The following MMP26 variants were observed in gnomAD, a reference collection of about 807,000 sequenced individuals.
MMP26 encodes the protein matrix metallopeptidase 26, also known as matrix metalloproteinase-26.
In MMP26, 33 loss-of-function variants were observed where a neutral mutation model predicts 31.0. The observed-to-expected ratio is 1.06, with a 90% CI of 0.81 to 1.42. The LOEUF (loss-of-function observed/expected upper bound fraction) is 1.42, where lower values mean the gene tolerates loss of function less well. MMP26 is among the 40% of genes most tolerant of loss of function. The pLI is 0.00. For missense variants in MMP26, 347 were observed against 316.1 expected (o/e 1.10, Z -0.74); for synonymous variants, 122 against 114.9 (o/e 1.06, Z -0.40).
At chr11:4,710,746 G>C in intron 1 of MMP26, 1 of 231,720 alleles carries the variant, frequency 4.3e-6, no homozygotes, top group African/African-American at 2.2e-5. Flanking sequence ...CACAGTATAG[G>C]ACCACAGTTA....
intron 1 of MMP26, among the ~76,000 whole-genome samples, chr11:4,737,963 C>G (rs756325125): frequency 3.9e-5 from 6 of 152,318 alleles, no homozygotes; most frequent in South Asian, 4.1e-4. Flanking sequence ...ACTACAGGCT[C>G]TAGTCACCAT....
chr11:4,960,520 G>T (rs965734770), intron 2 of MMP26, among the ~76,000 whole-genome samples: 1 of 129,534 alleles, frequency 7.7e-6, no homozygotes, highest in African/African-American at 3.0e-5. Flanking sequence ...TTGCTGCTAC[G>T]TGGGTCTATT....
At chr11:4,744,292 T>A (rs543662495) in intron 1 of MMP26, among the ~76,000 whole-genome samples, 1 of 152,326 alleles carries the variant, frequency 6.6e-6, no homozygotes, top group Admixed American at 6.5e-5. Context: ...TTTTAAAAAA[T>A]TTAAGCTGCC....
At chr11:4,959,549 C>T (rs937339304) in intron 2 of MMP26, among the ~76,000 whole-genome samples, 1 of 152,136 alleles carries the variant, frequency 6.6e-6, no homozygotes, top group African/African-American at 2.4e-5. Flanking sequence ...TACTTAAGTC[C>T]TCTGTTGCAC....
intron 2 of MMP26, among the ~76,000 whole-genome samples, chr11:4,806,472 T>C (rs532984345): frequency 1.3e-5 from 2 of 152,352 alleles, no homozygotes; most frequent in African/African-American, 2.4e-5. Context: ...TTTACCATTA[T>C]GTAATGGGCT....
intron 2 of MMP26, chr11:4,882,980 T>C (rs573200258): frequency 3.3e-6 from 3 of 915,040 alleles, no homozygotes; most frequent in South Asian, 3.5e-5. Context: ...TCAATTCCAA[T>C]TGAATTTTAG....
intron 2 of MMP26, among the ~76,000 whole-genome samples, chr11:4,960,358 T>C (rs1332363581): frequency 6.6e-6 from 1 of 151,872 alleles, no homozygotes; most frequent in Non-Finnish European, 1.5e-5. Context: ...AGTTTGATTA[T>C]TCTGTCTTAA....
intron 2 of MMP26, among the ~76,000 whole-genome samples, chr11:4,856,787 T>C (rs1273831147): frequency 1.3e-5 from 2 of 152,228 alleles, no homozygotes; most frequent in Non-Finnish European, 2.9e-5. Context: ...CAGCACCACG[T>C]CGCACTTATT....
At chr11:4,719,597 T>A (rs1451525494) in intron 1 of MMP26, 1 of 152,350 alleles carries the variant, frequency 6.6e-6, no homozygotes, top group East Asian at 1.9e-4. Flanking sequence ...CTTTGTCATT[T>A]TATAGATGAG....
At chr11:4,742,537 G>T (rs907346427) in intron 1 of MMP26, among the ~76,000 whole-genome samples, 1 of 152,130 alleles carries the variant, frequency 6.6e-6, no homozygotes. Context: ...GTCTGGGAAG[G>T]TTTTTCCAGA....
chr11:4,901,846 T>C (rs758976663), intron 2 of MMP26, among the ~76,000 whole-genome samples: 10 of 152,206 alleles, frequency 6.6e-5, no homozygotes, highest in Non-Finnish European at 1.5e-4. Context: ...GTCATTGATA[T>C]AGTGGGTCAA....
At chr11:4,972,235 T>G (rs748017239) in intron 2 of MMP26, among the ~76,000 whole-genome samples, 7 of 151,942 alleles carry the variant, frequency 4.6e-5, no homozygotes, top group Non-Finnish European at 1.0e-4. Flanking sequence ...TCGAACAATA[T>G]GGAGATAAAT....
rs184361463 is a variant in MMP26, at chr11:4,731,658, T to C, written c.-217+26613T>C. ...TGTGGGGACATTTTCTATAATATTC[T>C]GAATTTAATGTTCTATTACTTAATC... is the stretch of plus-strand genomic sequence containing the variant. On this transcript the variant is annotated intron_variant, in intron 1 of 7. Coordinates refer to ENST00000380390, the MANE Select transcript of MMP26 (RefSeq NM_021801.5). 1.9e-4 allele frequency among the ~76,000 whole-genome samples: 29 copies of C among 152,370 alleles called. 1 individual carries two copies. In the East Asian group the frequency reaches 5.6e-3, roughly 29 times the overall value.
chr11:4,789,371 T>C (rs914289316), intron 2 of MMP26, among the ~76,000 whole-genome samples: 1 of 152,058 alleles, frequency 6.6e-6, no homozygotes, highest in Non-Finnish European at 1.5e-5. Flanking sequence ...GGGGTCTCTG[T>C]TACTATATTC....
intron 2 of MMP26, among the ~76,000 whole-genome samples, chr11:4,957,145 A>G (rs759337238): frequency 6.6e-6 from 1 of 152,220 alleles, no homozygotes; most frequent in African/African-American, 2.4e-5. Context: ...TTAAAGAGTT[A>G]TGAACTGAAT....
intron 2 of MMP26, among the ~76,000 whole-genome samples, chr11:4,959,026 C>T: frequency 1.3e-5 from 2 of 151,970 alleles, no homozygotes; most frequent in Non-Finnish European, 1.5e-5. Context: ...ATCATGAGGT[C>T]ATGAGATCGA....
intron 2 of MMP26, among the ~76,000 whole-genome samples, chr11:4,774,721 G>A (rs566709467): frequency 1.3e-5 from 2 of 152,162 alleles, no homozygotes; most frequent in South Asian, 2.1e-4. Flanking sequence ...GTCCTGAATG[G>A]TATTGCCTAG....
intron 2 of MMP26, among the ~76,000 whole-genome samples, chr11:4,919,511 G>T (rs1851150272): frequency 6.6e-6 from 1 of 152,138 alleles, no homozygotes; most frequent in South Asian, 2.1e-4. Flanking sequence ...AGAAAAAGGG[G>T]CAAGGAGACT....
At chr11:4,876,544 C>T (rs987179784) in intron 2 of MMP26, 3 of 152,162 alleles carry the variant, frequency 2.0e-5, no homozygotes, top group Non-Finnish European at 1.5e-5. Context: ...CCTACTCAAA[C>T]CTCTATTCCA....
Sources: allele counts gnomAD v4.1 joint callset (sites outside exome capture counted in the v4.1 genomes callset), GRCh38; gene constraint gnomAD v4.1.1; transcripts MANE v1.5; gene names NCBI Gene and HGNC (gene_info 2026-07-23, HGNC 2026-07-21).